Variants in LRBA observed in about 807,000 individuals in gnomAD.
LRBA encodes the protein LPS responsive beige-like anchor protein.
Under a neutral mutation model 330.0 loss-of-function variants are expected in LRBA, and 176 were observed. The observed-to-expected ratio is 0.53, with a 90% CI of 0.47 to 0.60. The LOEUF is 0.60. Ranked by LOEUF, LRBA falls within the 20% of genes least tolerant of loss-of-function variation. The pLI is 0.00. For missense variants in LRBA, 3,259 were observed against 3,444.8 expected (o/e 0.95, Z 1.35); for synonymous variants, 1,230 against 1,193.0 (o/e 1.03, Z -0.64).
intron 32 of LRBA, among the ~76,000 whole-genome samples, chr4:150,807,043 T>C (rs1742902043): frequency 6.6e-6 from 1 of 150,546 alleles, no homozygotes; most frequent in Non-Finnish European, 1.5e-5. Flanking sequence ...TATATTAATA[T>C]ATATTTGTGA....
intron 22 of LRBA, among the ~76,000 whole-genome samples, chr4:150,860,279 T>A (rs1751728398): frequency 6.6e-6 from 1 of 152,182 alleles, no homozygotes; most frequent in African/African-American, 2.4e-5. Context: ...TAAACTTTTG[T>A]TTTCCCTCTC....
intron 2 of LRBA, 138 bp from the exon 3 acceptor site, chr4:150,929,203 T>C: frequency 1.8e-6 from 1 of 563,946 alleles, no homozygotes; most frequent in Non-Finnish European, 3.0e-6. Flanking sequence ...AACATGCAGC[T>C]CAAAAAACTG....
intron 36 of LRBA, among the ~76,000 whole-genome samples, chr4:150,723,147 G>A (rs182868667): frequency 7.7e-4 from 117 of 152,200 alleles, no homozygotes; most frequent in African/African-American, 2.6e-3. Flanking sequence ...GCAATTTCTA[G>A]GCTCCTCCTA....
chr4:150,351,167 G>A (rs1208627397), intron 47 of LRBA, among the ~76,000 whole-genome samples: 2 of 152,078 alleles, frequency 1.3e-5, no homozygotes, highest in Non-Finnish European at 2.9e-5. Flanking sequence ...CAAGCGTTGT[G>A]CCTAAAACAT....
rs147565262 is a variant in LRBA, at chr4:150,651,499, G to GTTCA, written c.5921+32048_5921+32051dup. Among the ~76,000 whole-genome samples the GTTCA allele has an allele frequency of 1.6e-3, 243 of 152,136 alleles. 1 individual carries two copies. Among genetic ancestry groups the GTTCA allele is most frequent in the Admixed American group, 3.6e-3 (55 of 15,272 alleles). On this transcript the variant is annotated intron_variant, in intron 37 of 56. Transcript: ENST00000651943. ...CTGAATCTTTAAGCGCTACCACAGA[G>GTTCA]TTCATTCATTCATTGGTTTCTGTAC...
chr4:150,700,085 T>C (rs1209710171), intron 36 of LRBA, among the ~76,000 whole-genome samples: 1 of 152,132 alleles, frequency 6.6e-6, no homozygotes, highest in East Asian at 1.9e-4. Context: ...CCAAAATCTT[T>C]AAAAACCTGA....
intron 47 of LRBA, among the ~76,000 whole-genome samples, chr4:150,395,976 T>C (rs150712059): frequency 1.6e-4 from 25 of 152,322 alleles, no homozygotes; most frequent in African/African-American, 5.8e-4. Context: ...TAGACTATTA[T>C]GATGATTAAT....
intron 36 of LRBA, among the ~76,000 whole-genome samples, chr4:150,704,788 A>C (rs2127010036): frequency 6.6e-6 from 1 of 152,262 alleles, no homozygotes. Flanking sequence ...AAATAGCATC[A>C]ACCAAGCCAT....
intron 37 of LRBA, among the ~76,000 whole-genome samples, chr4:150,656,004 G>C (rs1238106173): frequency 6.6e-5 from 10 of 152,100 alleles, no homozygotes; most frequent in Admixed American, 3.3e-4. Context: ...TCACATTTGT[G>C]GGGAGGAGGT....
chr4:150,481,426 T>C (rs1757284855), intron 42 of LRBA, among the ~76,000 whole-genome samples: 1 of 152,086 alleles, frequency 6.6e-6, no homozygotes, highest in Non-Finnish European at 1.5e-5. Flanking sequence ...ATTTAATACA[T>C]TATATTAAAT....
intron 28 of LRBA, among the ~76,000 whole-genome samples, chr4:150,839,655 C>A (rs1057045517): frequency 1.3e-5 from 2 of 152,192 alleles, no homozygotes; most frequent in African/African-American, 4.8e-5. Flanking sequence ...CCAAACACTG[C>A]ATCTTCTCAC....
chr4:150,557,094 C>T (rs997486272), intron 40 of LRBA, among the ~76,000 whole-genome samples: 1 of 152,014 alleles, frequency 6.6e-6, no homozygotes, highest in African/African-American at 2.4e-5. Flanking sequence ...AGGGAAGCTA[C>T]AAGATGAGCC....
chr4:150,917,264 T>C (rs918971813), intron 5 of LRBA, among the ~76,000 whole-genome samples: 2 of 150,884 alleles, frequency 1.3e-5, no homozygotes, highest in Admixed American at 1.3e-4. Flanking sequence ...CATAGTAATG[T>C]TAATTAAATG....
chr4:150,691,230 C>T (rs1444623776), intron 36 of LRBA, among the ~76,000 whole-genome samples: 1 of 151,730 alleles, frequency 6.6e-6, no homozygotes, highest in Non-Finnish European at 1.5e-5. Flanking sequence ...ATGCCTGGCC[C>T]AACACCTGCT....
intron 37 of LRBA, among the ~76,000 whole-genome samples, chr4:150,669,846 A>G (rs903691146): frequency 1.3e-5 from 2 of 152,152 alleles, no homozygotes; most frequent in African/African-American, 4.8e-5. Context: ...GATTATAAGC[A>G]TAAGCAACTG....
chr4:150,394,733 A>G lies in LRBA; in HGVS notation c.7194+20705T>C, dbSNP rs75311820. On this transcript the variant is annotated intron_variant, in intron 47 of 56. Coordinates refer to ENST00000651943, the MANE Select transcript of LRBA (RefSeq NM_001364905.1). ...TTACATGGCACAGGCTTCACTTGGT[A>G]TAAGAGTTATTTGAAAATAGAATGT... 6.4e-3 allele frequency among the ~76,000 whole-genome samples: 977 copies of G among 152,344 alleles called. 3 individuals carry two copies. The highest frequency in any genetic ancestry group is 0.02 in the Middle Eastern group (6 of 294).
intron 47 of LRBA, among the ~76,000 whole-genome samples, chr4:150,363,483 A>G (rs1739011150): frequency 6.6e-6 from 1 of 152,198 alleles, no homozygotes; most frequent in Non-Finnish European, 1.5e-5. Context: ...TTATTATATT[A>G]CATGTTATCA....
At chr4:150,521,437 T>C (rs1433789219) in intron 40 of LRBA, among the ~76,000 whole-genome samples, 1 of 152,188 alleles carries the variant, frequency 6.6e-6, no homozygotes, top group East Asian at 1.9e-4. Flanking sequence ...ACTTTTATTG[T>C]GGAGATTGGG....
rs1211930166 is a variant in LRBA at position 150,833,823 on chromosome 4, C to T, written c.4570-1847G>A. 2.6e-5 allele frequency among the ~76,000 whole-genome samples: 4 copies of T among 152,106 alleles called. No homozygotes were observed. In the South Asian group the frequency reaches 8.3e-4, roughly 32 times the overall value. ...AAAGATTTTTCTGTAGCAAGCAACG[C>T]TGTTTCATAGCATTTTACTCACAGG... On this transcript the variant is annotated intron_variant, in intron 28 of 56. Transcript: ENST00000651943.
Sources: gnomAD v4.1 joint callset for allele counts (sites outside exome capture counted in the v4.1 genomes callset) on GRCh38, gnomAD v4.1.1 for gene constraint, MANE v1.5 for transcripts, NCBI Gene and HGNC (gene_info 2026-07-23, HGNC 2026-07-21) for gene names.